Variants in KIF19 observed in about 807,000 individuals in gnomAD.
KIF19 encodes the protein kinesin-like protein KIF19.
Under a neutral mutation model 106.6 loss-of-function variants are expected in KIF19, and 98 were observed. The observed-to-expected ratio is 0.92, with a 90% CI of 0.78 to 1.09. The LOEUF is 1.09. KIF19 is among the 50% of genes least tolerant of loss of function. KIF19 has a pLI of 0.00. For missense variants in KIF19, 1,373 were observed against 1,414.3 expected (o/e 0.97, Z 0.47); for synonymous variants, 516 against 584.2 (o/e 0.88, Z 1.68).
rs1455165010 is a variant in KIF19, at chr17:74,351,952, A to G, written c.1673A>G (p.Glu558Gly). The change falls in exon 13 of 20, where the codon GAG becomes GGG. Residue 558 changes from glutamate (E) to glycine (G), a missense_variant. Around this residue, in one of 3 missense-constraint regions of KIF19, gnomAD observed 1,020 missense variants for 1,008.2 expected, o/e 1.01. Transcript: ENST00000389916. ...CTGCCGCGGCGCATCGGCTCCGAGG[A>G]GCAGCGCGAGGTGCTCAGCCTGCTG... is the stretch of plus-strand genomic sequence containing the variant. ...ETLPRRIGSE[E>G]QREVLSLLCR... The G allele has an allele frequency of 4.0e-6, 6 of 1,497,544 alleles. No individual in the cohort carries two copies. The highest frequency in any genetic ancestry group is 1.4e-5 in the African/African-American group (1 of 69,050). 92.8% of individuals were successfully genotyped at this position (1,497,544 alleles called of 1,614,324 possible).
Position 74,351,882 on chromosome 17 carries a change from C to T in KIF19, c.1603C>T (p.Arg535Cys), listed in dbSNP as rs2054711317. Residue 535 changes from arginine to cysteine, a missense_variant, in exon 13 of 20, where the codon CGC (arginine) becomes TGC (cysteine). By Grantham distance (180) the Arg-to-Cys change is radical. Around this residue, in one of 3 missense-constraint regions of KIF19, gnomAD observed 1,020 missense variants for 1,008.2 expected, o/e 1.01. Coordinates refer to ENST00000389916, the MANE Select transcript of KIF19 (RefSeq NM_153209.4). ...CCTCCTGCAGCTGGCGCTGGAGCAG[C>T]GCTGCCGGGAGCTGCGCGCGCGGGG... ...LRKQKLALEQRCRELRARGRR... is the reference protein window; with the variant it reads ...LRKQKLALEQCCRELRARGRR... The T allele has an allele frequency of 7.1e-7, 1 of 1,400,968 alleles. No individual in the cohort carries two copies. 86.8% of individuals were successfully genotyped at this position (1,400,968 alleles called of 1,614,324 possible).
In KIF19 at chr17:74,352,307, C is replaced by A. The variant is rs746428318; in HGVS notation, c.1947C>A (p.Thr649=). The A allele has an allele frequency of 6.2e-7, 1 of 1,611,392 alleles. No individual in the cohort carries two copies. The change falls in exon 14 of 20, where the codon ACC becomes ACA. Residue 649 remains threonine, a synonymous_variant. Transcript: ENST00000389916. ...ELEEGSLEQA[T]IMDQVASRAL... ...AGGAGGGCAGCCTGGAGCAGGCCAC[C>A]ATCATGGACCAAGTGGCCTCCAGGG...
Position 74,354,361 on chromosome 17 carries a change from A to C in KIF19, c.2508A>C (p.Thr836=). ...CCTGCAAGCGGCCGCCCAGCCCCAC[A>C]CTACAGCATGCTGCCAGTGAGGACA... ...PLACKRPPSP[T]LQHAASEDNL... Residue 836 remains threonine, a synonymous_variant, in exon 18 of 20, where the codon ACA becomes ACC. Transcript: ENST00000389916. 1 of 1,607,166 alleles carries C rather than the reference A, an allele frequency of 6.2e-7. No homozygotes were observed. The highest frequency in any genetic ancestry group is 8.5e-7 in the Non-Finnish European group (1 of 1,177,474).
intron 15 of KIF19, 37 bp from the exon 16 acceptor site, chr17:74,353,159 T>C: frequency 6.6e-7 from 1 of 1,521,484 alleles, no homozygotes; most frequent in Admixed American, 1.9e-5. Flanking sequence ...TGAGATAGCC[T>C]GGTCTACAGC....
intron 17 of KIF19, 120 bp downstream of exon 17, chr17:74,353,701 T>C (rs1241720213): frequency 2.5e-6 from 2 of 798,644 alleles, no homozygotes; most frequent in Non-Finnish European, 4.2e-6. Flanking sequence ...CATTGGGTGC[T>C]ACACATTCTG....
Position 74,346,638 on chromosome 17 carries a change from T to C in KIF19, c.924+114T>C. ...TCCAACCTCAGGATACACAGCAAAA[T>C]TTATTTTAGCGTAAATATGTCCCAT... On this transcript the variant is annotated intron_variant, in intron 8 of 19. Transcript: ENST00000389916. This position sits in a 1 kb window ranked among gnomAD's most constrained non-coding sequence, Gnocchi z 4.6. The C allele has an allele frequency of 1.0e-6, 1 of 957,738 alleles. No individual in the cohort carries two copies. The allele number at this position is 957,738 out of a possible 1,614,324, so 59.3% of individuals were successfully genotyped here.
At chr17:74,340,546 T>TGC (rs138403310) in intron 2 of KIF19, among the ~76,000 whole-genome samples, 12 of 4,608 alleles carry the variant, frequency 2.6e-3, no homozygotes, top group South Asian at 6.1e-3. Context: ...CCAGCAGGTA[T>TGC]GCGCGCGCGT....
rs61173377 is a variant in KIF19 at position 74,340,556 on chromosome 17, T to TACACACACACACACAC, written c.121-1317_121-1302dup. On this transcript the variant is annotated intron_variant, in intron 2 of 19. Transcript: ENST00000389916. ...ACGTGCCAGCAGGTATGCGCGCGCG[T>TACACACACACACACAC]ACACACACACACACACACTGCTGCC... is the stretch of plus-strand genomic sequence containing the variant. Among the ~76,000 whole-genome samples the TACACACACACACACAC allele has an allele frequency of 5.5e-4, 84 of 151,904 alleles. No homozygotes were observed. The East Asian group carries it at 9.6e-3, about 17-fold the overall frequency.
Position 74,344,879 on chromosome 17 carries a change from T to C in KIF19, c.701T>C (p.Val234Ala), listed in dbSNP as rs765612756. The change falls in exon 7 of 20, where the codon GTC (valine) becomes GCC (alanine). Residue 234 changes from valine (V) to alanine (A), a missense_variant. Physicochemically the swap from Val to Ala is moderately conservative, Grantham distance 64. Around this residue, in one of 3 missense-constraint regions of KIF19, gnomAD observed 348 missense variants for 389.5 expected, o/e 0.89. Coordinates refer to ENST00000389916, the MANE Select transcript of KIF19 (RefSeq NM_153209.4). ...LQVTVRQRSR[V>A]KNILQEVRQG... ...GTGACCGTGCGCCAGCGCAGCCGGGTCAAGAACATCTTGCAGGAGGTGCGG... is the reference window on the plus strand; with the variant it reads ...GTGACCGTGCGCCAGCGCAGCCGGGCCAAGAACATCTTGCAGGAGGTGCGG... 6.2e-7 allele frequency: 1 copy of C among 1,612,624 alleles called. No individual in the cohort carries two copies. The highest frequency in any genetic ancestry group is 1.1e-5 in the South Asian group (1 of 91,078).
In KIF19 at chr17:74,350,553, C is replaced by G; in HGVS notation, c.1366C>G (p.Arg456Gly). Residue 456 changes from arginine to glycine, a missense_variant, in exon 11 of 20, where the codon CGA becomes GGA. By Grantham distance (125) the Arg-to-Gly change is moderately radical. Transcript: ENST00000389916. The part of the protein sequence containing the change: ...RAMEVQIDTS[R>G]HLLTIAGWKH... ...CATGGAGGTCCAGATTGACACCTCC[C>G]GACACCTGCTCACCATCGCCGGGTA... 1 of 1,612,876 alleles carries G rather than the reference C, an allele frequency of 6.2e-7. No homozygotes were observed. Among genetic ancestry groups the G allele is most frequent in the Non-Finnish European group, 8.5e-7 (1 of 1,179,836 alleles).
At chr17:74,353,132 T>C (rs2054765968) in intron 15 of KIF19, 64 bp from the exon 16 acceptor site, 2 of 1,453,264 alleles carry the variant, frequency 1.4e-6, no homozygotes, top group East Asian at 4.9e-5. Context: ...TCCCCTGGGG[T>C]GGGGGTGGGA....
intron 10 of KIF19, 45 bp downstream of exon 10, chr17:74,349,394 C>T (rs755919038): frequency 6.6e-6 from 10 of 1,523,616 alleles, no homozygotes; most frequent in Middle Eastern, 1.8e-4. Flanking sequence ...TCCGGCCAGC[C>T]TCACGTTGCT....
In KIF19 at chr17:74,346,021, G is replaced by A. The variant is rs998453851; in HGVS notation, c.778-357G>A. Among the ~76,000 whole-genome samples the A allele has an allele frequency of 6.6e-6, 1 of 152,190 alleles. No individual in the cohort carries two copies. The highest frequency in any genetic ancestry group is 1.5e-5 in the Non-Finnish European group (1 of 68,034). ...CACGCACTTTCCTCCTTGCTCCCTG[G>A]AGCACCCTCTGGAGCACCAGTGGTC... On this transcript the variant is annotated intron_variant, in intron 7 of 19. Coordinates refer to ENST00000389916, the MANE Select transcript of KIF19 (RefSeq NM_153209.4). The surrounding 1 kb of genome is among the most constrained non-coding windows in gnomAD (Gnocchi z 4.6).
chr17:74,355,163 GC>G lies in KIF19; in HGVS notation c.2867-15del. On this transcript the variant is annotated intron_variant, in intron 19 of 19. Coordinates refer to ENST00000389916, the MANE Select transcript of KIF19 (RefSeq NM_153209.4). ...GAGGCATTCCGAAACCACTGATCCT[GC>G]CCCTTTCCCTGTTGCAGGCCCGGGG... The G allele has an allele frequency of 6.3e-7, 1 of 1,579,658 alleles. No homozygotes were observed. The highest frequency in any genetic ancestry group is 1.2e-5 in the South Asian group (1 of 86,620).
Position 74,344,218 on chromosome 17 carries a change from G to A in KIF19, c.457-5G>A, listed in dbSNP as rs563683748. 55 of 1,582,220 alleles carry A rather than the reference G, an allele frequency of 3.5e-5. 1 individual carries two copies. Among genetic ancestry groups the A allele is most frequent in the South Asian group, 1.1e-4 (10 of 89,954 alleles). On this transcript the variant is annotated splice_polypyrimidine_tract_variant and splice_region_variant and intron_variant, in intron 5 of 19. Coordinates refer to ENST00000389916, the MANE Select transcript of KIF19 (RefSeq NM_153209.4). ...CCCCCACCCCTCCCCCACCTGTCCCGTCAGATCTACAATGAGATGATCCGG... is the reference window on the plus strand; with the variant it reads ...CCCCCACCCCTCCCCCACCTGTCCCATCAGATCTACAATGAGATGATCCGG...
chr17:74,350,646 G>A (rs1317137658), intron 11 of KIF19, 61 bp from the exon 12 acceptor site: 26 of 1,610,060 alleles, frequency 1.6e-5, no homozygotes, highest in East Asian at 8.9e-5. Flanking sequence ...ACCTGTGGCT[G>A]TACAGTGTGC....
chr17:74,332,830 C>T (rs1162432103), intron 2 of KIF19, among the ~76,000 whole-genome samples: 1 of 152,216 alleles, frequency 6.6e-6, no homozygotes, highest in Non-Finnish European at 1.5e-5. Context: ...ACCAGAGCAC[C>T]CAGGCTCTCT....
At chr17:74,345,377 C>G (rs1457193427) in intron 7 of KIF19, among the ~76,000 whole-genome samples, 1 of 152,152 alleles carries the variant, frequency 6.6e-6, no homozygotes, top group Non-Finnish European at 1.5e-5. Context: ...CAAGCATCCC[C>G]TGACTGGGAG....
intron 3 of KIF19, 76 bp downstream of exon 3, chr17:74,342,062 G>T: frequency 9.1e-7 from 1 of 1,099,080 alleles, no homozygotes; most frequent in Non-Finnish European, 1.4e-6. Flanking sequence ...GGGCCCTCCA[G>T]GGCCCCTGCC....
Sources: gnomAD v4.1 joint callset for allele counts (sites outside exome capture counted in the v4.1 genomes callset) on GRCh38, gnomAD v4.1.1 for gene constraint, gnomAD v4.1.1 regional missense constraint, Gnocchi (gnomAD v3.1) non-coding constraint, MANE v1.5 for transcripts, NCBI Gene and HGNC (gene_info 2026-07-23, HGNC 2026-07-21) for gene names.